SHLD1: variants seen among roughly 807,000 people sequenced by gnomAD.
SHLD1 encodes RINN1-REV7-interacting novel NHEJ regulator 3.
SHLD1 carries 3 observed loss-of-function variants against 5.5 expected under a neutral mutation model. The ratio of observed to expected loss-of-function variants is 0.54; its 90% confidence interval spans 0.25 to 1.40. SHLD1 has a LOEUF of 1.40. Among genes scored for constraint, SHLD1 ranks in the 40% most tolerant of loss-of-function variants. SHLD1 has a pLI of 0.15. For missense variants in SHLD1, 210 were observed against 244.4 expected (o/e 0.86, Z 0.94); for synonymous variants, 92 against 94.3 (o/e 0.98, Z 0.14).
intron 1 of SHLD1, among the ~76,000 whole-genome samples, chr20:5,753,361 C>T (rs898026390): frequency 1.3e-5 from 2 of 151,938 alleles, no homozygotes; most frequent in Non-Finnish European, 2.9e-5. Context: ...AGGCTGGAGT[C>T]GAACTCCTGG....
chr20:5,856,682 A>G (rs975633881), intron 2 of SHLD1, among the ~76,000 whole-genome samples: 1 of 152,182 alleles, frequency 6.6e-6, no homozygotes, highest in African/African-American at 2.4e-5. Context: ...ATCATTGATG[A>G]CCGGAACATC....
intron 2 of SHLD1, among the ~76,000 whole-genome samples, chr20:5,779,496 C>G (rs1985591305): frequency 6.6e-6 from 1 of 152,188 alleles, no homozygotes; most frequent in Non-Finnish European, 1.5e-5. Context: ...ACATTTTAAT[C>G]TAATTCTGAT....
chr20:5,755,675 T>C (rs1444625936), intron 1 of SHLD1, among the ~76,000 whole-genome samples: 1 of 152,242 alleles, frequency 6.6e-6, no homozygotes, highest in South Asian at 2.1e-4. Flanking sequence ...TTCTCCTGCT[T>C]CAGCCTCCCC....
At chr20:5,856,821 G>C (rs1296341323) in intron 2 of SHLD1, among the ~76,000 whole-genome samples, 1 of 152,156 alleles carries the variant, frequency 6.6e-6, no homozygotes, top group Non-Finnish European at 1.5e-5. Context: ...GCCAACACTT[G>C]TTACTGTACA....
chr20:5,856,492 G>GA (rs2088086438), intron 2 of SHLD1, among the ~76,000 whole-genome samples: 1 of 150,758 alleles, frequency 6.6e-6, no homozygotes, highest in Non-Finnish European at 1.5e-5. Context: ...GAATGAAGGA[G>GA]AAAAAAGTGA....
intron 1 of SHLD1, among the ~76,000 whole-genome samples, chr20:5,751,992 C>G (rs1438046017): frequency 2.0e-5 from 3 of 152,110 alleles, no homozygotes; most frequent in Non-Finnish European, 4.4e-5. Flanking sequence ...GACTTGAAGT[C>G]AGTAGAAAAG....
At chr20:5,830,470 G>A (rs578026002) in intron 2 of SHLD1, among the ~76,000 whole-genome samples, 6 of 151,880 alleles carry the variant, frequency 4.0e-5, no homozygotes, top group South Asian at 4.2e-4. Flanking sequence ...ACCTAAGGTC[G>A]GGAGTTCTAG....
At chr20:5,835,079 C>CT (rs535176351) in intron 2 of SHLD1, among the ~76,000 whole-genome samples, 2 of 151,926 alleles carry the variant, frequency 1.3e-5, no homozygotes, top group South Asian at 2.1e-4. Context: ...AAATGGAGTC[C>CT]TTTTTTTTCA....
At chr20:5,799,181 T>C (rs1445240193) in intron 2 of SHLD1, among the ~76,000 whole-genome samples, 1 of 151,420 alleles carries the variant, frequency 6.6e-6, no homozygotes, top group Non-Finnish European at 1.5e-5. Flanking sequence ...CTAGCCTGGA[T>C]GACTGAGCGA....
chr20:5,784,514 G>A (rs189210850), intron 2 of SHLD1, among the ~76,000 whole-genome samples: 2,042 of 151,876 alleles, frequency 0.013, 49 homozygotes, highest in African/African-American at 0.046. Context: ...GCAGTGGCGC[G>A]ATCTCGGCTC....
intron 2 of SHLD1, among the ~76,000 whole-genome samples, chr20:5,843,193 T>C (rs1230710027): frequency 6.6e-6 from 1 of 152,208 alleles, no homozygotes; most frequent in East Asian, 1.9e-4. Context: ...TCTGGAACCA[T>C]ATTAAAATAA....
chr20:5,775,852 A>G (rs1985396072), intron 2 of SHLD1, among the ~76,000 whole-genome samples: 1 of 149,730 alleles, frequency 6.7e-6, no homozygotes, highest in African/African-American at 2.5e-5. Flanking sequence ...CAGGGAGTGG[A>G]CTCTCAGGAG....
At chr20:5,779,972 G>GTTTTTT (rs11381238) in intron 2 of SHLD1, among the ~76,000 whole-genome samples, 30 of 81,764 alleles carry the variant, frequency 3.7e-4, no homozygotes, top group African/African-American at 1.1e-3. Flanking sequence ...TACAATTTCT[G>GTTTTTT]TTTTTTTTTT....
intron 2 of SHLD1, among the ~76,000 whole-genome samples, chr20:5,823,454 T>G (rs1420660884): frequency 1.5e-4 from 4 of 27,088 alleles, no homozygotes; most frequent in East Asian, 8.5e-4. Context: ...TGTTTTTTGT[T>G]TTTTTTTTTT....
chr20:5,844,726 T>C (rs1193885753), intron 2 of SHLD1, among the ~76,000 whole-genome samples: 1 of 150,668 alleles, frequency 6.6e-6, no homozygotes, highest in Admixed American at 6.6e-5. Context: ...TGCTTGTTTG[T>C]CTGGAGTTTC....
Position 5,806,522 on chromosome 20 carries a change from T to TA in SHLD1, c.178+33482dup, listed in dbSNP as rs1400088222. ...CTACCAGTCAGGCATGCAGTTTTGA[T>TA]AAACTACCTCCCAAGTTCTGAAGGA... On this transcript the variant is annotated intron_variant, in intron 2 of 2. Transcript: ENST00000303142. The surrounding 1 kb of genome is among the most constrained non-coding windows in gnomAD (Gnocchi z 7.6). 6.6e-6 allele frequency among the ~76,000 whole-genome samples: 1 copy of TA among 152,240 alleles called. No individual in the cohort carries two copies. The highest frequency in any genetic ancestry group is 2.4e-5 in the African/African-American group (1 of 41,478).
chr20:5,837,111 C>A (rs1047877073), intron 2 of SHLD1, among the ~76,000 whole-genome samples: 1 of 152,108 alleles, frequency 6.6e-6, no homozygotes, highest in African/African-American at 2.4e-5. Context: ...ACAGAAGATT[C>A]TCCGGGAGGG....
At chr20:5,825,905 G>A (rs937063456) in intron 2 of SHLD1, among the ~76,000 whole-genome samples, 3 of 152,208 alleles carry the variant, frequency 2.0e-5, no homozygotes, top group African/African-American at 7.2e-5. Context: ...TCAGAACTGA[G>A]TATTATGCAA....
chr20:5,751,020 C>T (rs952743637), intron 1 of SHLD1, among the ~76,000 whole-genome samples: 1 of 152,046 alleles, frequency 6.6e-6, no homozygotes, highest in African/African-American at 2.4e-5. Flanking sequence ...TAAAGGGTAA[C>T]ATTAAGGGTT....
Sources: gnomAD v4.1 joint callset for allele counts (sites outside exome capture counted in the v4.1 genomes callset) on GRCh38, gnomAD v4.1.1 for gene constraint, Gnocchi (gnomAD v3.1) non-coding constraint, MANE v1.5 for transcripts, NCBI Gene and HGNC (gene_info 2026-07-23, HGNC 2026-07-21) for gene names.